The following BORA variants were observed in gnomAD, a reference collection of about 807,000 sequenced individuals.
BORA encodes protein aurora borealis.
BORA carries 26 observed loss-of-function variants against 55.8 expected under a neutral mutation model. The observed-to-expected ratio is 0.47, with a 90% CI of 0.34 to 0.65. BORA has a LOEUF of 0.65. Ranked by LOEUF, BORA falls within the 30% of genes least tolerant of loss-of-function variation. The pLI is 0.01. For synonymous variants in BORA, 201 were observed against 216.9 expected (o/e 0.93, Z 0.64); for missense variants, 568 against 671.5 (o/e 0.85, Z 1.70).
chr13:72,744,956 C>T, intron 7 of BORA, 25 bp from the exon 8 acceptor site: 1 of 1,593,214 alleles, frequency 6.3e-7, no homozygotes, highest in Non-Finnish European at 8.6e-7. Context: ...ACTAGCTTTG[C>T]CTTTTCTCCT....
chr13:72,755,572 A>C lies in BORA; in HGVS notation c.*356A>C. 1 of 333,084 alleles carries C rather than the reference A, an allele frequency of 3.0e-6. No individual in the cohort carries two copies. Among genetic ancestry groups the C allele is most frequent in the Non-Finnish European group, 5.4e-6 (1 of 186,474 alleles). 20.6% of individuals were successfully genotyped at this position (333,084 alleles called of 1,614,324 possible). On this transcript the variant is annotated 3_prime_UTR_variant, in exon 12 of 12. Transcript: ENST00000390667. ...AATTTAGCAGTTCTGAGAACATGTG[A>C]AACTATGTTAAAACTGAAGGCACTA...
intron 5 of BORA, among the ~76,000 whole-genome samples, chr13:72,740,390 G>T (rs2033011183): frequency 6.6e-6 from 1 of 152,118 alleles, no homozygotes; most frequent in South Asian, 2.1e-4. Flanking sequence ...GCCAAGTTGG[G>T]TAGAATCTTA....
intron 8 of BORA, 150 bp downstream of exon 8, chr13:72,745,357 C>T (rs4885037): frequency 1.5e-6 from 1 of 652,888 alleles, no homozygotes; most frequent in African/African-American, 1.8e-5. Context: ...TGAGGAAGGG[C>T]CTTTACTGGC....
intron 10 of BORA, among the ~76,000 whole-genome samples, chr13:72,751,411 A>G (rs1195082241): frequency 6.6e-6 from 1 of 152,228 alleles, no homozygotes; most frequent in Non-Finnish European, 1.5e-5. Flanking sequence ...ATGGAATACT[A>G]TTCAGCCATA....
chr13:72,746,786 G>A lies in BORA; in HGVS notation c.1157G>A (p.Arg386Gln), dbSNP rs200969838. ...PAMDAAGIHL[R>Q]QFSNEASTHG... ...ATGGATGCTGCTGGAATACACCTAC[G>A]GCAGTTTAGTAATGAGGCTTCTACC... The change falls in exon 10 of 12, where the codon CGG becomes CAG. Residue 386 changes from arginine to glutamine, a missense_variant. By Grantham distance (43) the Arg-to-Gln change is conservative. Coordinates refer to ENST00000390667, the MANE Select transcript of BORA (RefSeq NM_024808.5). 1.1e-5 allele frequency: 18 copies of A among 1,613,960 alleles called. No individual in the cohort carries two copies. The highest frequency in any genetic ancestry group is 4.5e-5 in the East Asian group (2 of 44,892).
At chr13:72,742,118 C>A (rs1356539574) in intron 5 of BORA, among the ~76,000 whole-genome samples, 3 of 151,954 alleles carry the variant, frequency 2.0e-5, no homozygotes, top group Non-Finnish European at 1.5e-5. Context: ...TTTATTTACC[C>A]GTTTTGATAG....
At chr13:72,752,905 C>G (rs2033316163) in intron 10 of BORA, 1 of 152,134 alleles carries the variant, frequency 6.6e-6, no homozygotes, top group African/African-American at 2.4e-5. Context: ...TTGTGGATTG[C>G]TTTCTTTGGT....
chr13:72,734,043 TGG>T lies in BORA; in HGVS notation c.261-914_261-913del, dbSNP rs142282604. ...ACATATAGAGGGGAACAGCACACAC[TGG>T]GGCCTGGTGGAGGGTGAGAGGAGGG... is the stretch of plus-strand genomic sequence containing the variant. On this transcript the variant is annotated intron_variant, in intron 3 of 11. Coordinates refer to ENST00000390667, the MANE Select transcript of BORA (RefSeq NM_024808.5). 5.6e-3 allele frequency among the ~76,000 whole-genome samples: 849 copies of T among 152,164 alleles called. 10 individuals are homozygous for T. The highest frequency in any genetic ancestry group is 0.019 in the African/African-American group (783 of 41,500).
In BORA at chr13:72,744,486, T is replaced by C. The variant is rs189887946; in HGVS notation, c.455-19T>C. ...TTTATCCCATGTTTGAATTTGTTTA[T>C]TTATTTGCTTGTTTCCAGCTGCTTG... is the stretch of plus-strand genomic sequence containing the variant. On this transcript the variant is annotated intron_variant, in intron 6 of 11. Coordinates refer to ENST00000390667, the MANE Select transcript of BORA (RefSeq NM_024808.5). 1 of 1,604,512 alleles carries C rather than the reference T, an allele frequency of 6.2e-7. No homozygotes were observed. The highest frequency in any genetic ancestry group is 2.2e-5 in the East Asian group (1 of 44,830).
chr13:72,754,528 A>T (rs1405751410), intron 11 of BORA: 1 of 152,156 alleles, frequency 6.6e-6, no homozygotes. Flanking sequence ...TGTGCAACAA[A>T]TGTTTAATAG....
chr13:72,738,581 G>C (rs910156930), intron 5 of BORA, among the ~76,000 whole-genome samples: 1 of 152,068 alleles, frequency 6.6e-6, no homozygotes, highest in African/African-American at 2.4e-5. Flanking sequence ...TCATATATTT[G>C]TTCTCACTGC....
chr13:72,729,689 G>A (rs971449618), intron 2 of BORA, among the ~76,000 whole-genome samples: 2 of 152,114 alleles, frequency 1.3e-5, no homozygotes, highest in Non-Finnish European at 2.9e-5. Flanking sequence ...TTCCAATACA[G>A]CTTTATTTAT....
At chr13:72,754,291 CT>C (rs2033377194) in intron 11 of BORA, 1 of 156,546 alleles carries the variant, frequency 6.4e-6, no homozygotes, top group Non-Finnish European at 1.4e-5. Context: ...CATGCCCAGC[CT>C]TGTATGCCGT....
chr13:72,746,085 C>T lies in BORA; in HGVS notation c.871+9C>T, dbSNP rs1306030246. ...AGAGACTCCACTCTCAGGTATGTCTCATAATAAAATACCTAGTTAAAAGTT... is the reference window on the plus strand; with the variant it reads ...AGAGACTCCACTCTCAGGTATGTCTTATAATAAAATACCTAGTTAAAAGTT... On this transcript the variant is annotated intron_variant, in intron 9 of 11. Transcript: ENST00000390667. The T allele has an allele frequency of 3.1e-6, 5 of 1,597,662 alleles. No homozygotes were observed. In the Admixed American group the frequency reaches 6.9e-5, roughly 22 times the overall value.
intron 3 of BORA, among the ~76,000 whole-genome samples, chr13:72,733,392 C>A (rs2032858145): frequency 6.6e-6 from 1 of 152,154 alleles, no homozygotes; most frequent in African/African-American, 2.4e-5. Flanking sequence ...CACACCTATA[C>A]CTATATGCAT....
At chr13:72,734,510 G>C (rs2032880452) in intron 3 of BORA, among the ~76,000 whole-genome samples, 1 of 152,174 alleles carries the variant, frequency 6.6e-6, no homozygotes, top group Non-Finnish European at 1.5e-5. Flanking sequence ...GTTTAGAACT[G>C]TGAACTATCC....
chr13:72,738,262 G>T (rs1487531555), intron 5 of BORA, among the ~76,000 whole-genome samples: 2 of 151,884 alleles, frequency 1.3e-5, no homozygotes, highest in Non-Finnish European at 2.9e-5. Flanking sequence ...TTTTCTTCAT[G>T]ACTATTGTGA....
At chr13:72,743,976 A>G (rs2033089654) in intron 6 of BORA, among the ~76,000 whole-genome samples, 1 of 152,078 alleles carries the variant, frequency 6.6e-6, no homozygotes, top group Non-Finnish European at 1.5e-5. Context: ...GGCTCAAGCG[A>G]TCTGCCCACT....
In BORA at chr13:72,755,270, T is replaced by G. The variant is rs2033427077; in HGVS notation, c.*54T>G. On this transcript the variant is annotated 3_prime_UTR_variant, in exon 12 of 12. Transcript: ENST00000390667. The stretch of plus-strand genomic sequence containing the variant: ...CTTAAGAGTTCCTCGCATATATCGT[T>G]GTGCACAGGATCAACATGATGGTGA... The G allele has an allele frequency of 6.9e-7, 1 of 1,439,260 alleles. No homozygotes were observed. 89.2% of individuals were successfully genotyped at this position (1,439,260 alleles called of 1,614,324 possible). A position where few individuals can be genotyped will look rare whatever the true frequency, so the allele number is the denominator to read the frequency against.
Sources: allele counts gnomAD v4.1 joint callset (sites outside exome capture counted in the v4.1 genomes callset), GRCh38; gene constraint gnomAD v4.1.1; transcripts MANE v1.5; gene names NCBI Gene and HGNC (gene_info 2026-07-23, HGNC 2026-07-21).